Variants in KLF3 observed in about 807,000 individuals in gnomAD.
The protein encoded by KLF3 is KLF transcription factor 3, also known as Krueppel-like factor 3.
In KLF3, 6 loss-of-function variants were observed where a neutral mutation model predicts 32.7. The observed-to-expected ratio is 0.18, with a 90% CI of 0.10 to 0.36. The LOEUF (loss-of-function observed/expected upper bound fraction) is 0.36. Ranked by LOEUF, KLF3 falls within the 10% of genes least tolerant of loss-of-function variation. The pLI is 1.00. For synonymous variants in KLF3, 145 were observed against 172.8 expected, an observed-to-expected ratio of 0.84 and a Z score of 1.26; for missense variants, 338 against 449.7, an observed-to-expected ratio of 0.75 and a Z score of 2.25.
At chr4:38,677,878 AGTGTGTGTGTGTGTGT>A (rs56675939) in intron 1 of KLF3, among the ~76,000 whole-genome samples, 6 of 146,214 alleles carry the variant, frequency 4.1e-5, no homozygotes, top group Non-Finnish European at 6.0e-5. Flanking sequence ...GGGCAAAAGG[AGTGTGTGTGTGTGTGT>A]GTGTGTGTGT....
At position 38,671,179 on chromosome 4, in the gene KLF3, A is replaced by G. The variant is rs1184576373; in HGVS notation, c.-40+6718A>G. On this transcript the variant is annotated intron_variant, in intron 1 of 5. Coordinates refer to ENST00000261438, the MANE Select transcript of KLF3 (RefSeq NM_016531.6). The surrounding 1 kb of genome is among the most constrained non-coding windows in gnomAD (Gnocchi z 4.4). ...CAGACACGCTTCTGTTCCTGGCTGC[A>G]GCTCCAACCAGCTCTGTGAAATTGG... Among the ~76,000 whole-genome samples the G allele has an allele frequency of 6.6e-6, 1 of 152,232 alleles. No homozygotes were observed. The highest frequency in any genetic ancestry group is 1.5e-5 in the Non-Finnish European group (1 of 68,050).
rs989358303 is a variant in KLF3 at position 38,698,313 on chromosome 4, G to A, written c.*1050G>A. ...GCTTATAGCTTTTTTTGTAAACAGG[G>A]AAATGTTGAGTGGTACTTGTATTCC... On this transcript the variant is annotated 3_prime_UTR_variant, in exon 6 of 6. Coordinates refer to ENST00000261438, the MANE Select transcript of KLF3 (RefSeq NM_016531.6). 5.2e-5 allele frequency: 8 copies of A among 152,598 alleles called. No individual in the cohort carries two copies. Among genetic ancestry groups the A allele is most frequent in the African/African-American group, 1.9e-4 (8 of 41,440 alleles). 9.5% of individuals were successfully genotyped at this position (152,598 alleles called of 1,614,324 possible). A position where few individuals can be genotyped will look rare whatever the true frequency, so the allele number is the denominator to read the frequency against.
chr4:38,678,752 A>G (rs1196761119), intron 1 of KLF3, among the ~76,000 whole-genome samples: 2 of 152,188 alleles, frequency 1.3e-5, no homozygotes, highest in African/African-American at 2.4e-5. Context: ...GAAATACAAG[A>G]AGGAATCCAG....
chr4:38,693,522 C>A (rs1332732974), intron 4 of KLF3, among the ~76,000 whole-genome samples: 2 of 151,846 alleles, frequency 1.3e-5, no homozygotes, highest in Non-Finnish European at 2.9e-5. Context: ...GGATAAATTT[C>A]TTTTATTCTT....
At chr4:38,665,090 A>G (rs1436255920) in intron 1 of KLF3, among the ~76,000 whole-genome samples, 1 of 151,350 alleles carries the variant, frequency 6.6e-6, no homozygotes, top group Non-Finnish European at 1.5e-5. Flanking sequence ...AAAGAAACTT[A>G]GGGCAATTGG....
At chr4:38,694,217 C>T (rs948292458) in intron 4 of KLF3, among the ~76,000 whole-genome samples, 1 of 152,110 alleles carries the variant, frequency 6.6e-6, no homozygotes, top group Non-Finnish European at 1.5e-5. Flanking sequence ...AGGATAAAAA[C>T]GTAGATATAC....
intron 4 of KLF3, among the ~76,000 whole-genome samples, chr4:38,693,100 A>AT (rs1002346717): frequency 1.1e-5 from 1 of 92,028 alleles, no homozygotes; most frequent in African/African-American, 4.1e-5. Context: ...ACGTATATAT[A>AT]TATGTACATA....
intron 2 of KLF3, 118 bp downstream of exon 2, chr4:38,680,800 C>G (rs920456174): frequency 1.0e-5 from 8 of 781,740 alleles, no homozygotes; most frequent in Non-Finnish European, 1.8e-5. Flanking sequence ...CCTGTAATCC[C>G]AGCACTTTGG....
In KLF3 at chr4:38,699,601, A is replaced by T. The variant is rs1290403744; in HGVS notation, c.*2338A>T. ...CATGGGCATCTCATGGAATTGATGC[A>T]TTTGCTGTGGCATATTTAAATTTTG... On this transcript the variant is annotated 3_prime_UTR_variant, in exon 6 of 6. Coordinates refer to ENST00000261438, the MANE Select transcript of KLF3 (RefSeq NM_016531.6). The T allele has an allele frequency of 6.6e-6, 1 of 152,214 alleles. No homozygotes were observed. Among genetic ancestry groups the T allele is most frequent in the African/African-American group, 2.4e-5 (1 of 41,460 alleles). 9.4% of individuals were successfully genotyped at this position (152,214 alleles called of 1,614,324 possible). A position where few individuals can be genotyped will look rare whatever the true frequency, so the allele number is the denominator to read the frequency against.
In KLF3 at chr4:38,664,265, A is replaced by AGCGGAGCCGC. The variant is rs1198548850; in HGVS notation, c.-226_-217dup. On this transcript the variant is annotated 5_prime_UTR_variant, in exon 1 of 6. Transcript: ENST00000261438. ...TGCCAGGAGCCAGAGGGGAGCCAGG[A>AGCGGAGCCGC]GCGGAGCCGCGCGGAGCCGGGGCCC... The AGCGGAGCCGC allele has an allele frequency of 6.6e-6, 1 of 151,722 alleles. No homozygotes were observed. The highest frequency in any genetic ancestry group is 2.4e-5 in the African/African-American group (1 of 41,264). The allele number at this position is 151,722 out of a possible 1,614,324, so 9.4% of individuals were successfully genotyped here. A position where few individuals can be genotyped will look rare whatever the true frequency, so the allele number is the denominator to read the frequency against.
In KLF3 at chr4:38,674,583, A is replaced by C. The variant is rs967044419; in HGVS notation, c.-39-6004A>C. ...TGTTAGTGTATTGCTCCGTATGCCT[A>C]GCCGAGGTCAGCTGGGAGACGGAAG... is the stretch of plus-strand genomic sequence containing the variant. On this transcript the variant is annotated intron_variant, in intron 1 of 5. Coordinates refer to ENST00000261438, the MANE Select transcript of KLF3 (RefSeq NM_016531.6). The surrounding 1 kb of genome is among the most constrained non-coding windows in gnomAD (Gnocchi z 4.1). Among the ~76,000 whole-genome samples, 4 of 152,126 alleles carry C rather than the reference A, an allele frequency of 2.6e-5. No homozygotes were observed. Among genetic ancestry groups the C allele is most frequent in the Admixed American group, 6.5e-5 (1 of 15,274 alleles).
intron 1 of KLF3, among the ~76,000 whole-genome samples, chr4:38,672,603 C>T (rs1306385946): frequency 6.6e-6 from 1 of 151,858 alleles, no homozygotes; most frequent in Admixed American, 6.6e-5. Context: ...GCAGGGCAGC[C>T]GGCATGAAGG....
chr4:38,699,971 G>A lies in KLF3; in HGVS notation c.*2708G>A, dbSNP rs541947530. ...GTTACTATCAATGGTGATTTCAATC[G>A]CAATATTTTAAATTGATGAGAATGA... On this transcript the variant is annotated 3_prime_UTR_variant, in exon 6 of 6. Coordinates refer to ENST00000261438, the MANE Select transcript of KLF3 (RefSeq NM_016531.6). 4.6e-5 allele frequency: 7 copies of A among 152,230 alleles called. No homozygotes were observed. Among genetic ancestry groups the A allele is most frequent in the South Asian group, 2.1e-4 (1 of 4,828 alleles). The allele number at this position is 152,230 out of a possible 1,614,324, so 9.4% of individuals were successfully genotyped here.
rs914120586 is a variant in KLF3, at chr4:38,700,022, G to A, written c.*2759G>A. Reference sequence around the variant, plus strand: ...TTTGTAAACATGAAGTTACTATTACGTAAATTCTGTTTGTTATAGAGTTTC... The same window carrying A: ...TTTGTAAACATGAAGTTACTATTACATAAATTCTGTTTGTTATAGAGTTTC... On this transcript the variant is annotated 3_prime_UTR_variant, in exon 6 of 6. Coordinates refer to ENST00000261438, the MANE Select transcript of KLF3 (RefSeq NM_016531.6). 11 of 152,134 alleles carry A rather than the reference G, an allele frequency of 7.2e-5. No individual in the cohort carries two copies. Among genetic ancestry groups the A allele is most frequent in the Non-Finnish European group, 1.2e-4 (8 of 68,026 alleles). 9.4% of individuals were successfully genotyped at this position (152,134 alleles called of 1,614,324 possible). A position where few individuals can be genotyped will look rare whatever the true frequency, so the allele number is the denominator to read the frequency against.
chr4:38,676,454 A>G (rs1722352491), intron 1 of KLF3, among the ~76,000 whole-genome samples: 1 of 152,210 alleles, frequency 6.6e-6, no homozygotes, highest in African/African-American at 2.4e-5. Flanking sequence ...ATAAAAATAC[A>G]TATAAATAAT....
intron 2 of KLF3, among the ~76,000 whole-genome samples, chr4:38,682,828 A>G (rs965449482): frequency 2.6e-5 from 4 of 152,238 alleles, no homozygotes; most frequent in African/African-American, 9.6e-5. Context: ...TTTCTCCTTC[A>G]TGTGCTAGAT....
At chr4:38,672,846 G>A (rs148344685) in intron 1 of KLF3, among the ~76,000 whole-genome samples, 1 of 152,124 alleles carries the variant, frequency 6.6e-6, no homozygotes, top group African/African-American at 2.4e-5. Context: ...GGCGCTGAGG[G>A]CCTGGCCCCC....
Position 38,688,273 on chromosome 4 carries a change from G to T in KLF3, c.58-312G>T, listed in dbSNP as rs554686886. 2.8e-4 allele frequency among the ~76,000 whole-genome samples: 43 copies of T among 152,284 alleles called. No homozygotes were observed. Among genetic ancestry groups the T allele is most frequent in the South Asian group, 2.5e-3 (12 of 4,828 alleles). On this transcript the variant is annotated intron_variant, in intron 2 of 5. Transcript: ENST00000261438. The surrounding 1 kb of genome is among the most constrained non-coding windows in gnomAD (Gnocchi z 4.9). ...CAAGCCTGTGCTATCACCTGTCTTA[G>T]AATTTTGCCAGGTATCGGCCTTAAT...
rs762635083 is a variant in KLF3 at position 38,688,935 on chromosome 4, A to G, written c.408A>G (p.Ile136Met). ...CAGCTGCCCTCTCGCGGCATGGAATACGGAGCCCGGGGATCCTGCCCGTCA... is the reference window on the plus strand; with the variant it reads ...CAGCTGCCCTCTCGCGGCATGGAATGCGGAGCCCGGGGATCCTGCCCGTCA... The part of the protein sequence containing the change: ...VMAAALSRHG[I>M]RSPGILPVIQ... Residue 136 changes from isoleucine (I) to methionine (M), a missense_variant, in exon 3 of 6, where the codon ATA becomes ATG. Physicochemically the swap from Ile to Met is conservative, Grantham distance 10. Transcript: ENST00000261438. The surrounding 1 kb of genome is among the most constrained non-coding windows in gnomAD (Gnocchi z 4.9). The G allele has an allele frequency of 6.8e-6, 11 of 1,614,190 alleles. No individual in the cohort carries two copies. In the East Asian group the frequency reaches 2.5e-4, roughly 36 times the overall value.
Sources: allele counts gnomAD v4.1 joint callset (sites outside exome capture counted in the v4.1 genomes callset), GRCh38; gene constraint gnomAD v4.1.1; non-coding constraint Gnocchi (gnomAD v3.1); transcripts MANE v1.5; gene names NCBI Gene and HGNC (gene_info 2026-07-23, HGNC 2026-07-21).